CRHR2: variants seen among roughly 807,000 people sequenced by gnomAD.
CRHR2 encodes the protein corticotropin-releasing hormone receptor 2.
CRHR2 carries 53 observed loss-of-function variants against 57.9 expected under a neutral mutation model. The observed-to-expected ratio is 0.92, with a 90% CI of 0.73 to 1.15. The LOEUF is 1.15. Ranked by LOEUF, CRHR2 falls within the 50% of genes most tolerant of loss-of-function variation. The probability of loss-of-function intolerance (pLI) is 0.00; values close to 1 mark genes in which losing one functional copy is unlikely to be tolerated. For missense variants in CRHR2, 532 were observed against 542.6 expected, an observed-to-expected ratio of 0.98 and a Z score of 0.19; for synonymous variants, 213 against 220.9, an observed-to-expected ratio of 0.96 and a Z score of 0.32.
At chr7:30,654,878 G>T in intron 11 of CRHR2, 161 bp downstream of exon 11, 1 of 1,550,156 alleles carries the variant, frequency 6.5e-7, no homozygotes, top group Non-Finnish European at 8.7e-7. Context: ...ACTGGCTCCA[G>T]CCCCTGTGAG....
intron 1 of CRHR2, among the ~76,000 whole-genome samples, chr7:30,692,422 G>GCT (rs1416220623): frequency 2.6e-5 from 4 of 152,166 alleles, no homozygotes; most frequent in Admixed American, 6.5e-5. Flanking sequence ...CCCTCACTGA[G>GCT]CTCGCCCCTC....
At chr7:30,671,038 C>T (rs534927016) in intron 2 of CRHR2, among the ~76,000 whole-genome samples, 32 of 152,310 alleles carry the variant, frequency 2.1e-4, no homozygotes, top group African/African-American at 7.5e-4. Flanking sequence ...AGGCAGTTAC[C>T]TGGGGTGGTC....
Position 30,694,429 on chromosome 7 carries a change from G to A in CRHR2, c.-260-5145C>T, listed in dbSNP as rs141836156. On this transcript the variant is annotated intron_variant, in intron 1 of 13. Coordinates refer to the CRHR2 transcript ENST00000341843. ...TATCCAAACAGAACCTGTGCCCGGGGCCCCGACAGGCCTCAAAGGTATCGC... is the reference window on the plus strand; with the variant it reads ...TATCCAAACAGAACCTGTGCCCGGGACCCCGACAGGCCTCAAAGGTATCGC... Among the ~76,000 whole-genome samples, 12 of 152,322 alleles carry A rather than the reference G, an allele frequency of 7.9e-5. No homozygotes were observed. The East Asian group carries it at 2.3e-3, about 29-fold the overall frequency.
chr7:30,691,934 A>G (rs775872197), intron 1 of CRHR2, among the ~76,000 whole-genome samples: 70 of 152,174 alleles, frequency 4.6e-4, no homozygotes, highest in Non-Finnish European at 9.0e-4. Flanking sequence ...AGGGACAGAC[A>G]TATCTTGGAT....
intron 2 of CRHR2, among the ~76,000 whole-genome samples, chr7:30,676,883 AG>A (rs1784534196): frequency 6.6e-6 from 1 of 152,252 alleles, no homozygotes; most frequent in South Asian, 2.1e-4. Flanking sequence ...TGGCTAGGTT[AG>A]ATGGGATGCC....
At chr7:30,694,480 C>T (rs1440410511) in intron 1 of CRHR2, among the ~76,000 whole-genome samples, 1 of 152,228 alleles carries the variant, frequency 6.6e-6, no homozygotes, top group Non-Finnish European at 1.5e-5. Flanking sequence ...GGGTCTGGCC[C>T]AGTCTAGTGT....
chr7:30,667,769 C>G (rs1167544972), intron 2 of CRHR2, among the ~76,000 whole-genome samples: 1 of 152,230 alleles, frequency 6.6e-6, no homozygotes, highest in East Asian at 1.9e-4. Flanking sequence ...ACCACTTCCT[C>G]TTCTAACTGC....
intron 8 of CRHR2, among the ~76,000 whole-genome samples, chr7:30,657,165 C>T (rs1473673943): frequency 6.6e-6 from 1 of 152,144 alleles, no homozygotes; most frequent in African/African-American, 2.4e-5. Context: ...CTGGGCCCTT[C>T]TAACCCTCCC....
chr7:30,688,630 T>C (rs942277965), intron 2 of CRHR2, among the ~76,000 whole-genome samples: 4 of 151,828 alleles, frequency 2.6e-5, no homozygotes, highest in Non-Finnish European at 5.9e-5. Context: ...ACTCCCATCC[T>C]GTGGATGCAG....
intron 2 of CRHR2, among the ~76,000 whole-genome samples, chr7:30,668,620 G>T (rs1784260296): frequency 6.6e-6 from 1 of 152,186 alleles, no homozygotes; most frequent in African/African-American, 2.4e-5. Flanking sequence ...CACTTCCGTT[G>T]AGCCCGATGA....
chr7:30,689,428 A>T, intron 1 of CRHR2: 4 of 713,514 alleles, frequency 5.6e-6, no homozygotes, highest in Non-Finnish European at 9.6e-6. Context: ...GCCCATGGCC[A>T]CATGGAGCAG....
chr7:30,693,928 A>G lies in CRHR2; in HGVS notation c.-260-4644T>C, dbSNP rs1321122655. 2.0e-5 allele frequency among the ~76,000 whole-genome samples: 3 copies of G among 152,094 alleles called. No homozygotes were observed. The East Asian group carries it at 5.8e-4, about 29-fold the overall frequency. On this transcript the variant is annotated intron_variant, in intron 1 of 13. Transcript: ENST00000341843. ...TTCCATTTTTCTTTCTTCTGAGGGG[A>G]ACGTCTTGGACACCTGTGCTGATTA... is the stretch of plus-strand genomic sequence containing the variant.
chr7:30,677,242 A>G (rs183099012), intron 2 of CRHR2, among the ~76,000 whole-genome samples: 1 of 152,308 alleles, frequency 6.6e-6, no homozygotes, highest in African/African-American at 2.4e-5. Context: ...TGAGAAAGAC[A>G]GAAACATACA....
chr7:30,682,674 C>T (rs931623875), upstream of CRHR2: 10 of 256,666 alleles, frequency 3.9e-5, no homozygotes, highest in East Asian at 3.2e-4. Context: ...GGCTGGAGAG[C>T]GTGGGCCTGG....
chr7:30,676,180 G>A (rs1478761788), intron 2 of CRHR2, among the ~76,000 whole-genome samples: 2 of 152,168 alleles, frequency 1.3e-5, no homozygotes, highest in African/African-American at 4.8e-5. Flanking sequence ...AACATAGAGC[G>A]CTCTGCAGCC....
rs113101753 is a variant in CRHR2, at chr7:30,662,182, G to A, written c.732C>T (p.Ile244=). 192 of 1,614,124 alleles carry A rather than the reference G, an allele frequency of 1.2e-4. 1 individual carries two copies. The highest frequency in any genetic ancestry group is 9.9e-4 in the Middle Eastern group (6 of 6,062). The change falls in exon 7 of 12, where the codon ATC becomes ATT. Residue 244 remains isoleucine (I), a synonymous_variant. Coordinates refer to ENST00000471646, the MANE Select transcript of CRHR2 (RefSeq NM_001883.5). Reference sequence around the variant, plus strand: ...GTTCATTCTCATAGTAGAGCTTGCCGATGGCCCAGGCGACGATGATGGGGA... The same window carrying A: ...GTTCATTCTCATAGTAGAGCTTGCCAATGGCCCAGGCGACGATGATGGGGA... ...IPFPIIVAWA[I]GKLYYENEQC...
At chr7:30,659,440 G>A (rs1308396120) in intron 8 of CRHR2, among the ~76,000 whole-genome samples, 1 of 152,174 alleles carries the variant, frequency 6.6e-6, no homozygotes, top group East Asian at 1.9e-4. Flanking sequence ...CTCCAGGATG[G>A]CCCTTGGCAG....
chr7:30,653,381 A>G lies in CRHR2; in HGVS notation c.*79T>C, dbSNP rs1414988517. 1 of 1,543,152 alleles carries G rather than the reference A, an allele frequency of 6.5e-7. No homozygotes were observed. The highest frequency in any genetic ancestry group is 8.7e-7 in the Non-Finnish European group (1 of 1,144,704). On this transcript the variant is annotated 3_prime_UTR_variant, in exon 12 of 12. Transcript: ENST00000471646. The surrounding 1 kb of genome is among the most constrained non-coding windows in gnomAD (Gnocchi z 5.0). ...CTCCCCTCCCATCTCCTGCCCCACG[A>G]GAGCCTGCCCAGCACAGAGAACCCA... is the stretch of plus-strand genomic sequence containing the variant.
chr7:30,699,491 G>T (rs548412207), intron 1 of CRHR2, among the ~76,000 whole-genome samples: 2 of 151,740 alleles, frequency 1.3e-5, no homozygotes, highest in South Asian at 4.2e-4. Flanking sequence ...TCAGAACTAG[G>T]GGTGGGCTGG....
Sources: gnomAD v4.1 joint callset for allele counts (sites outside exome capture counted in the v4.1 genomes callset) on GRCh38, gnomAD v4.1.1 for gene constraint, Gnocchi (gnomAD v3.1) non-coding constraint, MANE v1.5 for transcripts, NCBI Gene and HGNC (gene_info 2026-07-23, HGNC 2026-07-21) for gene names.